PRMT2: variants seen among roughly 807,000 people sequenced by gnomAD.
PRMT2 encodes protein arginine methyltransferase 2, also known as protein arginine N-methyltransferase 2.
Under a neutral mutation model 57.6 loss-of-function variants are expected in PRMT2, and 26 were observed. That is an observed-to-expected ratio of 0.45 (90% CI 0.33 to 0.63). The LOEUF is 0.63. PRMT2 is among the 20% of genes least tolerant of loss of function. The probability of loss-of-function intolerance (pLI) is 0.02; values close to 1 mark genes in which losing one functional copy is unlikely to be tolerated. For synonymous variants in PRMT2, 219 were observed against 220.0 expected, an observed-to-expected ratio of 1.00 and a Z score of 0.04; for missense variants, 472 against 564.4, an observed-to-expected ratio of 0.84 and a Z score of 1.66.
At chr21:46,658,655 T>G in intron 7 of PRMT2, 90 bp from the exon 8 acceptor site, 1 of 1,556,366 alleles carries the variant, frequency 6.4e-7, no homozygotes, top group East Asian at 2.3e-5. Context: ...TGTAGAACTG[T>G]CAGACTAGTG....
At chr21:46,639,144 C>T (rs1327772977) in intron 3 of PRMT2, among the ~76,000 whole-genome samples, 1 of 152,148 alleles carries the variant, frequency 6.6e-6, no homozygotes, top group Admixed American at 6.5e-5. Flanking sequence ...AATTTCTAAA[C>T]ATATTGGAAA....
chr21:46,636,085 G>A (rs1013262510), intron 1 of PRMT2: 2 of 152,568 alleles, frequency 1.3e-5, no homozygotes, highest in South Asian at 4.1e-4. Flanking sequence ...CCCCTGCCCC[G>A]AAGCTCGCGG....
chr21:46,659,051 A>T, intron 8 of PRMT2, 131 bp downstream of exon 8: 5 of 1,447,406 alleles, frequency 3.5e-6, no homozygotes, highest in Non-Finnish European at 4.5e-6. Context: ...CCCAGATAGG[A>T]CAATCTGTTG....
At chr21:46,643,410 TG>T (rs1219536417) in intron 3 of PRMT2, 124 bp from the exon 4 acceptor site, 38 of 1,313,158 alleles carry the variant, frequency 2.9e-5, no homozygotes, top group Non-Finnish European at 3.6e-5. Flanking sequence ...CCAAATAGTT[TG>T]TATAATAAAT....
At chr21:46,642,493 A>T (rs1269870062) in intron 3 of PRMT2, among the ~76,000 whole-genome samples, 1 of 152,236 alleles carries the variant, frequency 6.6e-6, no homozygotes, top group Non-Finnish European at 1.5e-5. Context: ...AAGTATAAAC[A>T]CCAATGTGCT....
intron 11 of PRMT2, 61 bp downstream of exon 11, chr21:46,663,615 GGGT>G (rs1352242241): frequency 1.6e-5 from 25 of 1,553,646 alleles, no homozygotes; most frequent in Non-Finnish European, 1.8e-5. Flanking sequence ...AGACAGGCCT[GGGT>G]GGTGGTAGTG....
chr21:46,649,755 C>A lies in PRMT2; in HGVS notation c.654+16C>A, dbSNP rs1372800968. The A allele has an allele frequency of 2.5e-6, 4 of 1,608,200 alleles. No homozygotes were observed. In the East Asian group the frequency reaches 9.0e-5, roughly 36 times the overall value. Reference sequence around the variant, plus strand: ...CTGCCTGCTGGTGAGGGCGGGCGTGCGGGCAGCTGGGGGCCGGAGCTGGGG... The same window carrying A: ...CTGCCTGCTGGTGAGGGCGGGCGTGAGGGCAGCTGGGGGCCGGAGCTGGGG... On this transcript the variant is annotated intron_variant, in intron 7 of 11. Transcript: ENST00000355680. The surrounding 1 kb of genome is among the most constrained non-coding windows in gnomAD (Gnocchi z 4.8).
At position 46,659,420 on chromosome 21, in the gene PRMT2, CAAGT is replaced by C. The variant is rs1380810218; in HGVS notation, c.830+503_830+506del. On this transcript the variant is annotated intron_variant, in intron 8 of 11. Coordinates refer to ENST00000355680, the MANE Select transcript of PRMT2 (RefSeq NM_206962.4). ...GCAAAAACACGATTGTAAAAGCAAA[CAAGT>C]AATTAGAGAAATCACGTGCTGTCAG... 4 of 985,438 alleles carry C rather than the reference CAAGT, an allele frequency of 4.1e-6. No individual in the cohort carries two copies. The African/African-American group carries it at 5.2e-5, about 13-fold the overall frequency. 61.0% of individuals were successfully genotyped at this position (985,438 alleles called of 1,614,324 possible).
At chr21:46,662,236 C>G (rs1192966007) in intron 10 of PRMT2, among the ~76,000 whole-genome samples, 1 of 152,308 alleles carries the variant, frequency 6.6e-6, no homozygotes, top group East Asian at 1.9e-4. Context: ...AGGAGCACCA[C>G]AGCTCTTCAT....
intron 8 of PRMT2, chr21:46,659,153 A>G (rs2061583697): frequency 1.6e-6 from 2 of 1,251,082 alleles, no homozygotes; most frequent in Non-Finnish European, 2.0e-6. Flanking sequence ...TTCGTATGTG[A>G]AAAAGGTGGC....
chr21:46,641,885 C>G (rs1176213827), intron 3 of PRMT2, among the ~76,000 whole-genome samples: 2 of 151,900 alleles, frequency 1.3e-5, no homozygotes, highest in African/African-American at 4.8e-5. Flanking sequence ...GCAGTGCTGC[C>G]TTAGAGTGAG....
At chr21:46,652,169 A>G in intron 7 of PRMT2, 1 of 1,430,556 alleles carries the variant, frequency 7.0e-7, no homozygotes, top group South Asian at 1.5e-5. Flanking sequence ...CATCTGCTAA[A>G]ATAAACCTCA....
chr21:46,652,377 T>G, intron 7 of PRMT2: 1 of 1,081,566 alleles, frequency 9.2e-7, no homozygotes, highest in Non-Finnish European at 1.1e-6. Flanking sequence ...AACTAAAGAA[T>G]TGCAGCTAAA....
At chr21:46,655,622 G>A (rs186132140) in intron 7 of PRMT2, among the ~76,000 whole-genome samples, 1 of 152,284 alleles carries the variant, frequency 6.6e-6, no homozygotes, top group Non-Finnish European at 1.5e-5. Context: ...CCTAAAACTA[G>A]TAAGTGAGTT....
chr21:46,651,384 A>C (rs1207979835), intron 7 of PRMT2, among the ~76,000 whole-genome samples: 1 of 150,442 alleles, frequency 6.6e-6, no homozygotes, highest in Non-Finnish European at 1.5e-5. Flanking sequence ...GTGGGTCTTG[A>C]ACATAGGATG....
At chr21:46,638,744 C>T (rs1167331156) in intron 3 of PRMT2, among the ~76,000 whole-genome samples, 1 of 152,202 alleles carries the variant, frequency 6.6e-6, no homozygotes, top group East Asian at 1.9e-4. Flanking sequence ...TACCACCCTC[C>T]ATTATAGAAG....
chr21:46,663,346 G>T lies in PRMT2; in HGVS notation c.1098-37G>T. ...CGAGGGCCATGTGGAGACTGCCCTAGCTCAGCCTCCAGGTCACACGCACCC... is the reference window on the plus strand; with the variant it reads ...CGAGGGCCATGTGGAGACTGCCCTATCTCAGCCTCCAGGTCACACGCACCC... On this transcript the variant is annotated intron_variant, in intron 10 of 11. Coordinates refer to ENST00000355680, the MANE Select transcript of PRMT2 (RefSeq NM_206962.4). The T allele has an allele frequency of 1.9e-6, 3 of 1,583,244 alleles. No individual in the cohort carries two copies. In the South Asian group the frequency reaches 3.4e-5, roughly 18 times the overall value.
chr21:46,655,903 A>G (rs1252911122), intron 7 of PRMT2, among the ~76,000 whole-genome samples: 1 of 152,228 alleles, frequency 6.6e-6, no homozygotes. Context: ...TTCCAATTAG[A>G]ATCCAAGCAG....
chr21:46,652,961 G>A lies in PRMT2; in HGVS notation c.654+3222G>A, dbSNP rs538964904. The A allele has an allele frequency of 1.7e-5, 21 of 1,252,524 alleles. No individual in the cohort carries two copies. The African/African-American group carries it at 2.7e-4, about 16-fold the overall frequency. 77.6% of individuals were successfully genotyped at this position (1,252,524 alleles called of 1,614,324 possible). On this transcript the variant is annotated intron_variant, in intron 7 of 11. Coordinates refer to ENST00000355680, the MANE Select transcript of PRMT2 (RefSeq NM_206962.4). ...ACTGCAGGTGCAGGGGCTGCCTCCTGGACCTTTCAGGACGCTTTGCAAGGT... is the reference window on the plus strand; with the variant it reads ...ACTGCAGGTGCAGGGGCTGCCTCCTAGACCTTTCAGGACGCTTTGCAAGGT...
Sources: gnomAD v4.1 joint callset for allele counts (sites outside exome capture counted in the v4.1 genomes callset) on GRCh38, gnomAD v4.1.1 for gene constraint, Gnocchi (gnomAD v3.1) non-coding constraint, MANE v1.5 for transcripts, NCBI Gene and HGNC (gene_info 2026-07-23, HGNC 2026-07-21) for gene names.